TRDN: variants seen among roughly 807,000 people sequenced by gnomAD.
TRDN encodes the protein triadin in skeletal muscle.
Under a neutral mutation model 149.7 loss-of-function variants are expected in TRDN, and 161 were observed. That is an observed-to-expected ratio of 1.08 (90% CI 0.95 to 1.23). The LOEUF (loss-of-function observed/expected upper bound fraction) is 1.23, where lower values mean the gene tolerates loss of function less well. Among genes scored for constraint, TRDN ranks in the 50% most tolerant of loss-of-function variants. The probability of loss-of-function intolerance (pLI) is 0.00; values close to 1 mark genes in which losing one functional copy is unlikely to be tolerated. For missense variants in TRDN, 896 were observed against 823.5 expected, an observed-to-expected ratio of 1.09 and a Z score of -1.08; for synonymous variants, 294 against 250.5, an observed-to-expected ratio of 1.17 and a Z score of -1.64.
At chr6:123,525,419 G>A (rs757908459) in intron 5 of TRDN, among the ~76,000 whole-genome samples, 9 of 151,974 alleles carry the variant, frequency 5.9e-5, no homozygotes, top group Non-Finnish European at 1.2e-4. Context: ...TGGATAGAGC[G>A]GGAGGCCATT....
rs1278216509 is a variant in TRDN, at chr6:123,377,761, A to C, written c.1220-19T>G. ...GACTTTGCTGTATCAAAAAGGAAAGAAAAAAAAATCAGCATTCTATGTCAT... is the reference window on the plus strand; with the variant it reads ...GACTTTGCTGTATCAAAAAGGAAAGCAAAAAAAATCAGCATTCTATGTCAT... On this transcript the variant is annotated intron_variant, in intron 17 of 40. Coordinates refer to ENST00000334268, the MANE Select transcript of TRDN (RefSeq NM_006073.4). The C allele has an allele frequency of 3.1e-6, 5 of 1,609,706 alleles. No individual in the cohort carries two copies. Among genetic ancestry groups the C allele is most frequent in the Non-Finnish European group, 4.2e-6 (5 of 1,177,584 alleles).
At chr6:123,272,764 G>A (rs973136967) in intron 29 of TRDN, among the ~76,000 whole-genome samples, 200 bp downstream of exon 29, 3 of 151,868 alleles carry the variant, frequency 2.0e-5, no homozygotes, top group Admixed American at 1.3e-4. Context: ...AAGACTAGTT[G>A]TCTAGTTACA....
At chr6:123,574,327 T>C (rs942901722) in intron 1 of TRDN, among the ~76,000 whole-genome samples, 1 of 151,966 alleles carries the variant, frequency 6.6e-6, no homozygotes, top group East Asian at 1.9e-4. Context: ...AAAAAATACT[T>C]CTAAAACCCA....
chr6:123,373,765 C>G (rs1004981658), intron 19 of TRDN, among the ~76,000 whole-genome samples: 5 of 152,148 alleles, frequency 3.3e-5, no homozygotes, highest in African/African-American at 1.2e-4. Flanking sequence ...CTCTATCATT[C>G]TCATTTGACC....
chr6:123,429,458 T>A (rs1478793236), intron 12 of TRDN, among the ~76,000 whole-genome samples: 1 of 152,202 alleles, frequency 6.6e-6, no homozygotes, highest in South Asian at 2.1e-4. Flanking sequence ...GATATCACTT[T>A]GATGTTTTTA....
intron 7 of TRDN, among the ~76,000 whole-genome samples, chr6:123,507,964 T>A (rs1208551522): frequency 1.4e-5 from 2 of 144,542 alleles, no homozygotes; most frequent in Non-Finnish European, 3.0e-5. Context: ...ACTGCTTAAC[T>A]TTTTTCTCTG....
chr6:123,291,676 G>A (rs1245353800), intron 24 of TRDN, among the ~76,000 whole-genome samples: 1 of 152,118 alleles, frequency 6.6e-6, no homozygotes, highest in Admixed American at 6.5e-5. Context: ...AGGGAACTTT[G>A]TGTAAAATTA....
intron 38 of TRDN, among the ~76,000 whole-genome samples, chr6:123,244,191 C>G (rs1776092876): frequency 6.6e-6 from 1 of 151,472 alleles, no homozygotes; most frequent in African/African-American, 2.5e-5. Flanking sequence ...CTCTTCTCCT[C>G]CAAAGGATCA....
chr6:123,585,824 T>C (rs368721155), intron 1 of TRDN, among the ~76,000 whole-genome samples: 8,473 of 152,084 alleles, frequency 0.056, 316 homozygotes, highest in African/African-American at 0.084. Context: ...AGTTCTTGTG[T>C]GCTGGAGATG....
intron 5 of TRDN, among the ~76,000 whole-genome samples, chr6:123,526,141 T>C (rs1034909472): frequency 6.6e-6 from 1 of 152,028 alleles, no homozygotes; most frequent in Non-Finnish European, 1.5e-5. Flanking sequence ...GTGTTAAGAC[T>C]GAAAATAGTA....
intron 12 of TRDN, 120 bp from the exon 13 acceptor site, chr6:123,393,797 G>A (rs955859825): frequency 1.1e-6 from 1 of 928,626 alleles, no homozygotes; most frequent in East Asian, 2.7e-5. Flanking sequence ...TTGACACGAA[G>A]AATTTTTGTT....
intron 10 of TRDN, among the ~76,000 whole-genome samples, chr6:123,450,445 C>T (rs760673703): frequency 1.3e-5 from 2 of 152,042 alleles, no homozygotes; most frequent in Non-Finnish European, 2.9e-5. Flanking sequence ...ATTCTTATAT[C>T]AGACAAGAAA....
chr6:123,287,603 G>A (rs1777846836), intron 24 of TRDN, among the ~76,000 whole-genome samples: 1 of 152,104 alleles, frequency 6.6e-6, no homozygotes, highest in Admixed American at 6.6e-5. Flanking sequence ...ATTAGAGTCA[G>A]AGAGAAAGTT....
chr6:123,497,573 A>T (rs1308099961), intron 8 of TRDN, among the ~76,000 whole-genome samples: 1 of 152,150 alleles, frequency 6.6e-6, no homozygotes, highest in Non-Finnish European at 1.5e-5. Context: ...ATATTAAAGC[A>T]ATTTTTCCCA....
intron 8 of TRDN, chr6:123,502,642 G>T: frequency 1.0e-6 from 1 of 984,634 alleles, no homozygotes; most frequent in South Asian, 4.7e-5. Context: ...TGTGCCTTAT[G>T]AGGAAAAATT....
At chr6:123,339,034 T>C (rs1779972775) in intron 21 of TRDN, among the ~76,000 whole-genome samples, 1 of 152,024 alleles carries the variant, frequency 6.6e-6, no homozygotes, top group Non-Finnish European at 1.5e-5. Context: ...TGTTTTTGTT[T>C]TTTTTGTCTT....
chr6:123,252,314 T>C (rs1211447339), intron 38 of TRDN, 98 bp downstream of exon 38: 5 of 725,932 alleles, frequency 6.9e-6, no homozygotes, highest in South Asian at 2.2e-5. Context: ...GAATAAACTA[T>C]ACTGAACACT....
intron 40 of TRDN, among the ~76,000 whole-genome samples, chr6:123,219,984 A>G (rs1775088067): frequency 2.0e-5 from 3 of 151,830 alleles, no homozygotes; most frequent in Admixed American, 6.6e-5. Flanking sequence ...TGAATAAGCT[A>G]CTCATTAAAA....
At chr6:123,466,641 A>G (rs1018335186) in intron 9 of TRDN, among the ~76,000 whole-genome samples, 3 of 151,960 alleles carry the variant, frequency 2.0e-5, no homozygotes, top group African/African-American at 7.3e-5. Context: ...ATATACTTGG[A>G]AAGATCTATT....
Sources: gnomAD v4.1 joint callset for allele counts (sites outside exome capture counted in the v4.1 genomes callset) on GRCh38, gnomAD v4.1.1 for gene constraint, MANE v1.5 for transcripts, NCBI Gene and HGNC (gene_info 2026-07-23, HGNC 2026-07-21) for gene names.